Variants in ADK observed in about 807,000 individuals in gnomAD.
The protein encoded by ADK is N6,N6-dimethyladenosine kinase.
In ADK, 24 loss-of-function variants were observed where a neutral mutation model predicts 44.7. That is an observed-to-expected ratio of 0.54 (90% confidence interval 0.39 to 0.76). The LOEUF (loss-of-function observed/expected upper bound fraction) is 0.76, where lower values mean the gene tolerates loss of function less well. Ranked by LOEUF, ADK falls within the 30% of genes least tolerant of loss-of-function variation. ADK has a pLI of 0.00. For missense variants in ADK, 321 were observed against 425.1 expected (o/e 0.76, Z 2.15); for synonymous variants, 128 against 142.6 (o/e 0.90, Z 0.73).
At chr10:74,593,410 AAGGGTTCCCATTTT>A (rs1395566159) in intron 8 of ADK, among the ~76,000 whole-genome samples, 2 of 151,956 alleles carry the variant, frequency 1.3e-5, no homozygotes, top group African/African-American at 4.8e-5. Flanking sequence ...AGCATGTGGG[AAGGGTTCCCATTTT>A]AGCTATGATG....
chr10:74,534,730 C>T (rs1043707795), intron 7 of ADK, among the ~76,000 whole-genome samples: 97 of 152,154 alleles, frequency 6.4e-4, no homozygotes, highest in Admixed American at 2.7e-3. Context: ...TTAAGTTTCA[C>T]TTCACTTTAA....
chr10:74,304,422 T>C (rs1049393366), intron 3 of ADK, among the ~76,000 whole-genome samples: 3 of 152,214 alleles, frequency 2.0e-5, no homozygotes, highest in Non-Finnish European at 2.9e-5. Context: ...GGGAAGCAAG[T>C]ATAAACACCT....
intron 3 of ADK, among the ~76,000 whole-genome samples, chr10:74,294,857 T>G (rs1010785161): frequency 6.6e-6 from 1 of 152,078 alleles, no homozygotes. Flanking sequence ...TTTATATTTA[T>G]TTATGTATTT....
rs149345502 is a variant in ADK at position 74,409,170 on chromosome 10, G to A, written c.555+10591G>A. Among the ~76,000 whole-genome samples, 862 of 152,210 alleles carry A rather than the reference G, an allele frequency of 5.7e-3. 12 individuals carry two copies. Among genetic ancestry groups the A allele is most frequent in the African/African-American group, 0.019 (802 of 41,530 alleles). ...CTCTGCATAGTGTTTGGATTACATTGTGAGTACAGTAGGATTTTGTTTAGA... is the reference window on the plus strand; with the variant it reads ...CTCTGCATAGTGTTTGGATTACATTATGAGTACAGTAGGATTTTGTTTAGA... On this transcript the variant is annotated intron_variant, in intron 6 of 10. Transcript: ENST00000539909.
chr10:74,571,120 G>A (rs1203263914), intron 7 of ADK, among the ~76,000 whole-genome samples: 1 of 152,170 alleles, frequency 6.6e-6, no homozygotes, highest in African/African-American at 2.4e-5. Context: ...AACCAGCTTT[G>A]CATCCCAGGG....
chr10:74,469,106 G>A (rs970736421), intron 6 of ADK, among the ~76,000 whole-genome samples: 17 of 152,162 alleles, frequency 1.1e-4, no homozygotes, highest in Non-Finnish European at 2.1e-4. Context: ...GGGAGACCAA[G>A]GCAGGAGGAT....
chr10:74,316,853 CATAAT>C (rs1184504043), intron 4 of ADK, among the ~76,000 whole-genome samples: 1 of 151,416 alleles, frequency 6.6e-6, no homozygotes, highest in African/African-American at 2.4e-5. Context: ...ATATTAGTCT[CATAAT>C]AAAACAGTCA....
chr10:74,398,533 A>G lies in ADK; in HGVS notation c.509A>G (p.Glu170Gly). Residue 170 changes from glutamate to glycine, a missense_variant, in exon 6 of 11, where the codon GAG becomes GGG. Coordinates refer to ENST00000539909, the MANE Select transcript of ADK (RefSeq NM_006721.4). ...AAAAAGGAAAAACATCTTGATCTGG[A>G]GAAAAACTGGATGTTGGTAGAAAAA... Reference protein sequence around the residue: ...CYKKEKHLDLEKNWMLVEKAR... With the variant: ...CYKKEKHLDLGKNWMLVEKAR... 1 of 1,611,904 alleles carries G rather than the reference A, an allele frequency of 6.2e-7. No homozygotes were observed. Among genetic ancestry groups the G allele is most frequent in the Non-Finnish European group, 8.5e-7 (1 of 1,178,596 alleles).
chr10:74,596,151 TAA>T (rs112918678), intron 8 of ADK, among the ~76,000 whole-genome samples: 3 of 151,054 alleles, frequency 2.0e-5, no homozygotes, highest in African/African-American at 7.3e-5. Context: ...AGTTTTGTGA[TAA>T]AAAAAAACAA....
At chr10:74,355,942 G>A (rs957473024) in intron 4 of ADK, among the ~76,000 whole-genome samples, 1 of 149,116 alleles carries the variant, frequency 6.7e-6, no homozygotes. Context: ...TTCCTACCAA[G>A]GATACCTCTG....
At chr10:74,474,354 C>T (rs1308065710) in intron 6 of ADK, among the ~76,000 whole-genome samples, 1 of 152,244 alleles carries the variant, frequency 6.6e-6, no homozygotes. Context: ...CTTCCCTCCT[C>T]AGCCTCCCAA....
chr10:74,550,269 C>CTG (rs1849985245), intron 7 of ADK, among the ~76,000 whole-genome samples: 1 of 152,010 alleles, frequency 6.6e-6, no homozygotes, highest in Admixed American at 6.6e-5. Context: ...CAGGGTTTCA[C>CTG]TGTGTTGGCC....
intron 4 of ADK, among the ~76,000 whole-genome samples, chr10:74,347,106 C>CAAAAAAAAAAAAAAAAAAAAAAAAAAA (rs58074760): frequency 3.2e-5 from 3 of 92,346 alleles, no homozygotes; most frequent in African/African-American, 2.1e-4. Flanking sequence ...CACTCTGTCT[C>CAAAAAAAAAAAAAAAAAAAAAAAAAAA]AAAAAAAAAA....
intron 6 of ADK, among the ~76,000 whole-genome samples, chr10:74,436,703 A>G (rs980042940): frequency 6.6e-6 from 1 of 152,230 alleles, no homozygotes; most frequent in Non-Finnish European, 1.5e-5. Flanking sequence ...TGACGTCAAA[A>G]GTGAAAAGTG....
chr10:74,152,150 G>A (rs1841613477), intron 1 of ADK, among the ~76,000 whole-genome samples: 1 of 151,998 alleles, frequency 6.6e-6, no homozygotes, highest in Non-Finnish European at 1.5e-5. Context: ...AAAACTATTA[G>A]GACACTCCTG....
At chr10:74,505,678 C>T (rs1301827593) in intron 6 of ADK, among the ~76,000 whole-genome samples, 2 of 152,056 alleles carry the variant, frequency 1.3e-5, no homozygotes, top group Non-Finnish European at 2.9e-5. Flanking sequence ...ACTTTTGTAA[C>T]AATGGCGTTT....
At chr10:74,535,580 AT>A (rs748264198) in intron 7 of ADK, among the ~76,000 whole-genome samples, 1,445 of 129,496 alleles carry the variant, frequency 0.011, 10 homozygotes, top group African/African-American at 0.031. Context: ...TTTTGACCCT[AT>A]TTTTTTTTTT....
intron 1 of ADK, among the ~76,000 whole-genome samples, chr10:74,162,455 G>A (rs746287142): frequency 1.3e-5 from 2 of 152,120 alleles, no homozygotes; most frequent in Non-Finnish European, 2.9e-5. Flanking sequence ...GTTAAATGGA[G>A]TGAGCTTGTG....
At chr10:74,647,248 C>T (rs943891176) in intron 9 of ADK, among the ~76,000 whole-genome samples, 1 of 152,094 alleles carries the variant, frequency 6.6e-6, no homozygotes, top group Non-Finnish European at 1.5e-5. Flanking sequence ...GATAGCTACC[C>T]ACAGTATAGT....
Sources: allele counts gnomAD v4.1 joint callset (sites outside exome capture counted in the v4.1 genomes callset), GRCh38; gene constraint gnomAD v4.1.1; transcripts MANE v1.5; gene names NCBI Gene and HGNC (gene_info 2026-07-23, HGNC 2026-07-21).